ZNF567: variants seen among roughly 807,000 people sequenced by gnomAD.
The protein encoded by ZNF567 is zinc finger protein 567.
In ZNF567, 36 loss-of-function variants were observed where a neutral mutation model predicts 53.9. The observed-to-expected ratio is 0.67, with a 90% confidence interval of 0.51 to 0.88. The LOEUF (loss-of-function observed/expected upper bound fraction) is 0.88. ZNF567 is among the 40% of genes least tolerant of loss of function. The pLI is 0.00. For synonymous variants in ZNF567, 224 were observed against 260.4 expected, an observed-to-expected ratio of 0.86 and a Z score of 1.35; for missense variants, 619 against 764.7, an observed-to-expected ratio of 0.81 and a Z score of 2.25.
chr19:36,671,679 C>G, the ZNF567 span, among the ~76,000 whole-genome samples: 1 of 151,986 alleles, frequency 6.6e-6, no homozygotes, highest in Non-Finnish European at 1.5e-5. Flanking sequence ...GATTTTGGAG[C>G]AAAGCCCTAT....
chr19:36,686,394 A>T (rs2038272013), upstream of ZNF567: 1 of 152,216 alleles, frequency 6.6e-6, no homozygotes, highest in Admixed American at 6.5e-5. Context: ...TATTGCCACC[A>T]CACGAGCTCT....
rs557739743 is a variant in ZNF567, at chr19:36,707,665, C to T, written c.10-4721C>T. On this transcript the variant is annotated intron_variant, in intron 3 of 5. Transcript: ENST00000682579. ...TGATCTCAGCTCACTGCAACCTCTG[C>T]CTTCCGGGTTTAAGTGATTCTCCTG... is the stretch of plus-strand genomic sequence containing the variant. Among the ~76,000 whole-genome samples, 313 of 152,222 alleles carry T rather than the reference C, an allele frequency of 2.1e-3. 1 individual carries two copies. Among genetic ancestry groups the T allele is most frequent in the African/African-American group, 7.4e-3 (307 of 41,526 alleles).
the ZNF567 span, among the ~76,000 whole-genome samples, chr19:36,671,203 C>T: frequency 1.3e-5 from 2 of 152,160 alleles, no homozygotes; most frequent in Admixed American, 1.3e-4. Context: ...AGCAAGTACT[C>T]TAGATTTATT....
chr19:36,686,927 G>A (rs1381473340), upstream of ZNF567: 1 of 152,160 alleles, frequency 6.6e-6, no homozygotes, highest in Non-Finnish European at 1.5e-5. Flanking sequence ...CAAACACCAG[G>A]CTGAGAACTG....
At chr19:36,724,206 A>G (rs2040325312), downstream of ZNF567, among the ~76,000 whole-genome samples, 1 of 151,382 alleles carries the variant, frequency 6.6e-6, no homozygotes, top group Admixed American at 6.6e-5. Flanking sequence ...GGGTTTCTCC[A>G]TGTTGGTCAG....
chr19:36,690,990 G>T (rs2038576370), intron 2 of ZNF567, among the ~76,000 whole-genome samples: 1 of 152,154 alleles, frequency 6.6e-6, no homozygotes, highest in African/African-American at 2.4e-5. Flanking sequence ...GAATTATTTT[G>T]GAAAGTGTAA....
intron 3 of ZNF567, among the ~76,000 whole-genome samples, chr19:36,702,053 G>T (rs979322119): frequency 1.7e-4 from 26 of 151,842 alleles, no homozygotes; most frequent in Admixed American, 1.7e-3. Context: ...ATTTTGCAGC[G>T]GCTGGTACTG....
At chr19:36,679,633 G>A in the ZNF567 span, among the ~76,000 whole-genome samples, 1 of 152,098 alleles carries the variant, frequency 6.6e-6, no homozygotes, top group African/African-American at 2.4e-5. Context: ...TATACACAGT[G>A]GAATACTATT....
At position 36,703,366 on chromosome 19, in the gene ZNF567, C is replaced by A. The variant is rs1165949853; in HGVS notation, c.9+8490C>A. 5.3e-5 allele frequency among the ~76,000 whole-genome samples: 8 copies of A among 152,142 alleles called. No homozygotes were observed. In the East Asian group the frequency reaches 1.6e-3, roughly 30 times the overall value. ...GGGGGTGCCTCCCAGTTAGGCTGCT[C>A]GGGGGTCAGGGGTCAGGGACCCACT... On this transcript the variant is annotated intron_variant, in intron 3 of 5. Coordinates refer to ENST00000682579, the MANE Select transcript of ZNF567 (RefSeq NM_001322917.1).
rs1468291526 is a variant in ZNF567, at chr19:36,706,667, TG to T, written c.10-5717del. On this transcript the variant is annotated intron_variant, in intron 3 of 5. Coordinates refer to ENST00000682579, the MANE Select transcript of ZNF567 (RefSeq NM_001322917.1). ...ACCTGATTTCCATCCTTTTTACTGT[TG>T]GTTTTTTTTTTTGTTTTTTTTTTGA... 4.1e-3 allele frequency among the ~76,000 whole-genome samples: 493 copies of T among 119,380 alleles called. 6 individuals are homozygous for T. The highest frequency in any genetic ancestry group is 0.034 in the Admixed American group (328 of 9,564). 78.3% of individuals were successfully genotyped at this position (119,380 alleles called of 152,430 possible). A position where few individuals can be genotyped will look rare whatever the true frequency, so the allele number is the denominator to read the frequency against.
At chr19:36,699,203 C>G (rs143033083) in intron 3 of ZNF567, among the ~76,000 whole-genome samples, 5,695 of 152,062 alleles carry the variant, frequency 0.037, 157 homozygotes, top group Non-Finnish European at 0.052. Context: ...GCTTGTTTTT[C>G]TCAGATTTGT....
upstream of ZNF567, chr19:36,687,316 AACAC>A (rs1460711134): frequency 6.5e-6 from 1 of 153,582 alleles, no homozygotes; most frequent in African/African-American, 2.4e-5. Flanking sequence ...CCTGGCATCA[AACAC>A]ACACGCACAG....
In ZNF567 at chr19:36,719,819, T is replaced by C. The variant is rs774286578; in HGVS notation, c.1095T>C (p.Tyr365=). The change falls in exon 6 of 6, where the codon TAT becomes TAC. Residue 365 remains tyrosine (Y), a synonymous_variant. Transcript: ENST00000682579. ...GAACTCACACGGGAGAGAAACCATA[T>C]GAGTGTAATGACTGTGGGAAGTCCT... is the stretch of plus-strand genomic sequence containing the variant. ...HQRTHTGEKP[Y]ECNDCGKSFR... The C allele has an allele frequency of 1.9e-6, 3 of 1,614,176 alleles. No homozygotes were observed. Among genetic ancestry groups the C allele is most frequent in the African/African-American group, 1.3e-5 (1 of 75,034 alleles).
downstream of ZNF567, among the ~76,000 whole-genome samples, chr19:36,721,813 C>T (rs759609258): frequency 1.3e-4 from 19 of 141,266 alleles, no homozygotes; most frequent in Non-Finnish European, 2.6e-4. Flanking sequence ...GGAGCGATCT[C>T]GGCTCACTGC....
the ZNF567 span, among the ~76,000 whole-genome samples, chr19:36,667,468 C>T: frequency 6.6e-6 from 1 of 152,032 alleles, no homozygotes; most frequent in South Asian, 2.1e-4. Flanking sequence ...CGCCATTGCA[C>T]TCCAGCCTGG....
chr19:36,727,022 T>C (rs908536974), downstream of ZNF567: 4 of 29,098 alleles, frequency 1.4e-4, no homozygotes, highest in African/African-American at 3.6e-4. Flanking sequence ...TTTTTTTTTT[T>C]CCTGTGCTTT....
intron 3 of ZNF567, among the ~76,000 whole-genome samples, chr19:36,698,685 G>A (rs2039017146): frequency 6.6e-6 from 1 of 151,738 alleles, no homozygotes; most frequent in South Asian, 2.1e-4. Flanking sequence ...GTGATGATGA[G>A]CATTTTTTCA....
At chr19:36,675,841 T>G in the ZNF567 span, among the ~76,000 whole-genome samples, 1 of 152,190 alleles carries the variant, frequency 6.6e-6, no homozygotes, top group South Asian at 2.1e-4. Context: ...AGAGCAAGAC[T>G]CTGTCTCAAA....
At chr19:36,726,594 G>A (rs1000894595), downstream of ZNF567, among the ~76,000 whole-genome samples, 4 of 152,148 alleles carry the variant, frequency 2.6e-5, no homozygotes, top group Admixed American at 6.5e-5. Context: ...GAGAGACAGC[G>A]GTGCCTTGTT....
Sources: allele counts gnomAD v4.1 joint callset (sites outside exome capture counted in the v4.1 genomes callset), GRCh38; gene constraint gnomAD v4.1.1; transcripts MANE v1.5; gene names NCBI Gene and HGNC (gene_info 2026-07-23, HGNC 2026-07-21).